Variants in USP46 observed in about 807,000 individuals in gnomAD.
USP46 encodes the protein ubiquitin specific peptidase 46.
A neutral mutation model predicts 44.4 loss-of-function variants in USP46; 12 were observed. That is an observed-to-expected ratio of 0.27 (90% CI 0.17 to 0.44). The LOEUF (loss-of-function observed/expected upper bound fraction) is 0.44. Among genes scored for constraint, USP46 ranks in the 20% least tolerant of loss-of-function variants. The pLI is 1.00. For synonymous variants in USP46, 155 were observed against 161.5 expected (o/e 0.96, Z 0.31); for missense variants, 248 against 444.8 (o/e 0.56, Z 3.98).
At chr4:52,609,894 A>ATT (rs1423146190) in intron 5 of USP46, among the ~76,000 whole-genome samples, 13 of 20,690 alleles carry the variant, frequency 6.3e-4, no homozygotes, top group East Asian at 4.1e-3. Flanking sequence ...CCTCAATTCT[A>ATT]TTTCTTTTTT....
rs17051592 is a variant in USP46 at position 52,601,072 on chromosome 4, T to C, written c.920+785A>G. Among the ~76,000 whole-genome samples, 1,401 of 152,290 alleles carry C rather than the reference T, an allele frequency of 9.2e-3. 17 individuals carry two copies. Among genetic ancestry groups the C allele is most frequent in the African/African-American group, 0.032 (1,330 of 41,550 alleles). ...CGTGGCAATGGTAGTCTCCTGGTAA[T>C]GGTGTATTCACCATAATCCGACCTT... On this transcript the variant is annotated intron_variant, in intron 7 of 8. Transcript: ENST00000441222.
intron 1 of USP46, among the ~76,000 whole-genome samples, chr4:52,633,459 G>A (rs905948988): frequency 2.0e-5 from 3 of 152,004 alleles, no homozygotes; most frequent in African/African-American, 7.3e-5. Context: ...AAATAACACA[G>A]CAAATTATGG....
intron 1 of USP46, among the ~76,000 whole-genome samples, chr4:52,634,366 G>A (rs566566629): frequency 4.5e-4 from 68 of 150,384 alleles, no homozygotes; most frequent in African/African-American, 1.6e-3. Flanking sequence ...AAAATTGACC[G>A]GTTGTGGTGG....
intron 5 of USP46, among the ~76,000 whole-genome samples, chr4:52,608,964 G>GGCC (rs1367703262): frequency 6.6e-6 from 1 of 152,152 alleles, no homozygotes; most frequent in African/African-American, 2.4e-5. Context: ...TAACCAAAAA[G>GGCC]GCCATGCAAG....
In USP46 at chr4:52,597,498, A is replaced by G; in HGVS notation, c.*142T>C. 1.6e-6 allele frequency: 1 copy of G among 636,964 alleles called. No homozygotes were observed. 39.5% of individuals were successfully genotyped at this position (636,964 alleles called of 1,614,324 possible). A position where few individuals can be genotyped will look rare whatever the true frequency, so the allele number is the denominator to read the frequency against. ...GTGCTGCATGTAAAAACACAAAAGGAGAGAGTCTAACACAGCCAGACCATT... is the reference window on the plus strand; with the variant it reads ...GTGCTGCATGTAAAAACACAAAAGGGGAGAGTCTAACACAGCCAGACCATT... On this transcript the variant is annotated 3_prime_UTR_variant, in exon 9 of 9. Coordinates refer to ENST00000441222, the MANE Select transcript of USP46 (RefSeq NM_022832.4).
At position 52,659,146 on chromosome 4, in the gene USP46, G is replaced by A; in HGVS notation, c.5C>T (p.Thr2Ile). Reference sequence around the variant, plus strand: ...ACAGATGGAGGCGATGTTTCGGACAGTCATTAGTCTAAAGGTTGCAGCGAT... The same window carrying A: ...ACAGATGGAGGCGATGTTTCGGACAATCATTAGTCTAAAGGTTGCAGCGAT... MTVRNIASICNM... is the reference protein window; with the variant it reads MIVRNIASICNM... Residue 2 changes from threonine (T) to isoleucine (I), a missense_variant, in exon 1 of 9, where the codon ACT becomes ATT. By Grantham distance (89) the Thr-to-Ile change is moderately conservative. Coordinates refer to ENST00000441222, the MANE Select transcript of USP46 (RefSeq NM_022832.4). The surrounding 1 kb of genome is among the most constrained non-coding windows in gnomAD (Gnocchi z 4.2). 1 of 1,567,650 alleles carries A rather than the reference G, an allele frequency of 6.4e-7. No homozygotes were observed. Among genetic ancestry groups the A allele is most frequent in the Non-Finnish European group, 8.6e-7 (1 of 1,158,074 alleles).
At chr4:52,656,370 G>A (rs1249425553) in intron 1 of USP46, 1 of 1,331,198 alleles carries the variant, frequency 7.5e-7, no homozygotes, top group Non-Finnish European at 9.9e-7. Context: ...CCAGTGAAAA[G>A]ACAGCAGTTT....
Position 52,598,397 on chromosome 4 carries a change from T to C in USP46, c.999+231A>G, listed in dbSNP as rs549870407. On this transcript the variant is annotated intron_variant, in intron 8 of 8. Transcript: ENST00000441222. ...CGGTGGCACAGATAGAGAGATCCCA[T>C]GTCTATGGATGAACCGTGGAGAACA... Among the ~76,000 whole-genome samples the C allele has an allele frequency of 5.3e-5, 8 of 152,316 alleles. No individual in the cohort carries two copies. In the South Asian group the frequency reaches 1.7e-3, roughly 32 times the overall value.
intron 1 of USP46, among the ~76,000 whole-genome samples, chr4:52,653,788 T>C (rs994194684): frequency 6.6e-6 from 1 of 152,026 alleles, no homozygotes; most frequent in African/African-American, 2.4e-5. Context: ...CAGAATTTAA[T>C]ACCATCATGG....
At chr4:52,629,707 C>G (rs1415092787) in intron 2 of USP46, 1 of 456,254 alleles carries the variant, frequency 2.2e-6, no homozygotes, top group East Asian at 6.9e-5. Flanking sequence ...AAGGAACGAA[C>G]ATTTACCGAG....
chr4:52,601,687 T>C (rs1235204589), intron 7 of USP46, among the ~76,000 whole-genome samples, 170 bp downstream of exon 7: 2 of 152,234 alleles, frequency 1.3e-5, no homozygotes, highest in Non-Finnish European at 1.5e-5. Context: ...CTCTTTATTT[T>C]ATGTGCCTGC....
chr4:52,615,964 T>C (rs1346348041), intron 4 of USP46, among the ~76,000 whole-genome samples: 1 of 152,224 alleles, frequency 6.6e-6, no homozygotes, highest in Non-Finnish European at 1.5e-5. Flanking sequence ...AAAAATATTT[T>C]AATGCTCCTT....
intron 5 of USP46, 77 bp from the exon 6 acceptor site, chr4:52,604,661 A>C: frequency 4.3e-6 from 4 of 924,602 alleles, no homozygotes; most frequent in Non-Finnish European, 6.5e-6. Flanking sequence ...CCCTCAATTA[A>C]CCTGTAGGGT....
At chr4:52,644,282 G>A (rs778957439) in intron 1 of USP46, among the ~76,000 whole-genome samples, 2 of 152,094 alleles carry the variant, frequency 1.3e-5, no homozygotes, top group African/African-American at 2.4e-5. Context: ...CACAACCCTG[G>A]CTCCTGTTTC....
chr4:52,646,552 T>C (rs1718556684), intron 1 of USP46, among the ~76,000 whole-genome samples: 1 of 152,206 alleles, frequency 6.6e-6, no homozygotes, highest in Non-Finnish European at 1.5e-5. Context: ...TAATTTTGTA[T>C]CTGTCAAGTT....
chr4:52,616,611 G>C (rs935625781), intron 4 of USP46, among the ~76,000 whole-genome samples: 1 of 152,176 alleles, frequency 6.6e-6, no homozygotes, highest in Non-Finnish European at 1.5e-5. Context: ...AACCTCAGGT[G>C]ATCCGCCCGC....
At chr4:52,604,614 A>G in intron 5 of USP46, 30 bp from the exon 6 acceptor site, 1 of 1,489,730 alleles carries the variant, frequency 6.7e-7, no homozygotes, top group Middle Eastern at 1.7e-4. Flanking sequence ...CATCTTTAAA[A>G]AATGTCCAAA....
chr4:52,604,460 CT>C (rs921673187), intron 6 of USP46, 40 bp downstream of exon 6: 4 of 1,553,210 alleles, frequency 2.6e-6, no homozygotes, highest in Non-Finnish European at 3.5e-6. Flanking sequence ...CGGGATCCTT[CT>C]CACCACACAA....
At chr4:52,633,366 T>C (rs1328993648) in intron 1 of USP46, among the ~76,000 whole-genome samples, 1 of 152,198 alleles carries the variant, frequency 6.6e-6, no homozygotes, top group East Asian at 1.9e-4. Context: ...ATAGTTTCCA[T>C]GTCTTTTCAT....
Sources: allele counts gnomAD v4.1 joint callset (sites outside exome capture counted in the v4.1 genomes callset), GRCh38; gene constraint gnomAD v4.1.1; non-coding constraint Gnocchi (gnomAD v3.1); transcripts MANE v1.5; gene names NCBI Gene and HGNC (gene_info 2026-07-23, HGNC 2026-07-21).